The following ANKS1B variants were observed in gnomAD, a reference collection of about 807,000 sequenced individuals.
ANKS1B encodes ankyrin repeat and sterile alpha motif domain-containing protein 1B.
A neutral mutation model predicts 148.3 loss-of-function variants in ANKS1B; 36 were observed. That is an observed-to-expected ratio of 0.24 (90% CI 0.19 to 0.32). The LOEUF (loss-of-function observed/expected upper bound fraction) is 0.32, where lower values mean the gene tolerates loss of function less well. Ranked by LOEUF, ANKS1B falls within the 10% of genes least tolerant of loss-of-function variation. The pLI is 1.00. For synonymous variants in ANKS1B, 542 were observed against 560.8 expected, an observed-to-expected ratio of 0.97 and a Z score of 0.47; for missense variants, 1,157 against 1,542.6, an observed-to-expected ratio of 0.75 and a Z score of 4.19.
chr12:99,760,527 ATC>A (rs1223064305), intron 8 of ANKS1B, among the ~76,000 whole-genome samples: 1 of 151,920 alleles, frequency 6.6e-6, no homozygotes, highest in Admixed American at 6.6e-5. Flanking sequence ...ACATACCAAA[ATC>A]TCTGAGATGC....
chr12:99,767,159 T>C (rs1567808496), intron 8 of ANKS1B, among the ~76,000 whole-genome samples: 1 of 151,814 alleles, frequency 6.6e-6, no homozygotes, highest in East Asian at 1.9e-4. Flanking sequence ...ATAAAATACC[T>C]CACACTTCAG....
At chr12:99,402,332 T>C (rs2094426452) in intron 11 of ANKS1B, among the ~76,000 whole-genome samples, 1 of 146,224 alleles carries the variant, frequency 6.8e-6, no homozygotes, top group Admixed American at 6.8e-5. Context: ...ATATTTTTAT[T>C]TTAAGTTCAG....
intron 9 of ANKS1B, among the ~76,000 whole-genome samples, chr12:99,639,820 AG>A (rs1164100082): frequency 6.6e-6 from 1 of 152,182 alleles, no homozygotes; most frequent in African/African-American, 2.4e-5. Context: ...TAAATTACCC[AG>A]TCTTGGGCAG....
At chr12:99,836,216 TACAC>T (rs375305500) in intron 1 of ANKS1B, among the ~76,000 whole-genome samples, 1 of 151,832 alleles carries the variant, frequency 6.6e-6, no homozygotes, top group African/African-American at 2.4e-5. Context: ...TACAGACACA[TACAC>T]ACACACACGC....
intron 19 of ANKS1B, among the ~76,000 whole-genome samples, chr12:98,810,456 C>T (rs779584465): frequency 5.3e-5 from 8 of 152,204 alleles, no homozygotes; most frequent in Non-Finnish European, 8.8e-5. Flanking sequence ...CATAAATCTT[C>T]TACCTAAGCC....
At chr12:99,633,766 C>T (rs1375122266) in intron 9 of ANKS1B, among the ~76,000 whole-genome samples, 2 of 152,092 alleles carry the variant, frequency 1.3e-5, no homozygotes, top group Non-Finnish European at 2.9e-5. Context: ...CTAGAATCTA[C>T]AAAGAACTCA....
At chr12:99,288,008 A>C (rs2079371846) in intron 12 of ANKS1B, among the ~76,000 whole-genome samples, 1 of 152,200 alleles carries the variant, frequency 6.6e-6, no homozygotes, top group Admixed American at 6.5e-5. Context: ...TCAAAGGGAT[A>C]GTAAAAGAAA....
chr12:99,496,800 A>G (rs908291444), intron 10 of ANKS1B, among the ~76,000 whole-genome samples: 15 of 152,148 alleles, frequency 9.9e-5, no homozygotes, highest in African/African-American at 3.6e-4. Context: ...GACCACAGAA[A>G]GGAAAGTTAA....
rs1206207087 is a variant in ANKS1B, at chr12:99,010,814, C to A, written c.2778+42343G>T. On this transcript the variant is annotated intron_variant, in intron 17 of 26. Coordinates refer to ENST00000683438, the MANE Select transcript of ANKS1B (RefSeq NM_001352186.2). ...TTGCCCAGATTGGAGTGCAGTAGTG[C>A]GATCATGGCTCACTGTAGCCTTAGC... Among the ~76,000 whole-genome samples the A allele has an allele frequency of 2.0e-5, 3 of 148,500 alleles. No homozygotes were observed. The South Asian group carries it at 6.5e-4, about 32-fold the overall frequency.
intron 12 of ANKS1B, among the ~76,000 whole-genome samples, chr12:99,376,251 A>G (rs2093387027): frequency 6.6e-6 from 1 of 152,224 alleles, no homozygotes; most frequent in Non-Finnish European, 1.5e-5. Flanking sequence ...GTGGAGTGAC[A>G]TTTAAAATGC....
intron 8 of ANKS1B, among the ~76,000 whole-genome samples, chr12:99,659,341 A>G (rs1042204516): frequency 1.3e-5 from 2 of 152,182 alleles, no homozygotes; most frequent in Non-Finnish European, 2.9e-5. Context: ...ATGCTGTTCA[A>G]ACTTTTTACT....
intron 8 of ANKS1B, among the ~76,000 whole-genome samples, chr12:99,656,610 C>A (rs2098450835): frequency 6.6e-6 from 1 of 151,762 alleles, no homozygotes; most frequent in African/African-American, 2.4e-5. Context: ...GGGGTCAAAC[C>A]AAGACCTCTA....
chr12:98,918,990 A>G (rs1368467098), intron 17 of ANKS1B, among the ~76,000 whole-genome samples: 1 of 152,190 alleles, frequency 6.6e-6, no homozygotes, highest in Non-Finnish European at 1.5e-5. Flanking sequence ...ACACTTACCC[A>G]TAATTAGTTG....
At chr12:99,566,043 T>G (rs2097389492) in intron 9 of ANKS1B, among the ~76,000 whole-genome samples, 1 of 152,148 alleles carries the variant, frequency 6.6e-6, no homozygotes, top group African/African-American at 2.4e-5. Context: ...CTTTCTGATA[T>G]TTTTAGCAAA....
At chr12:98,784,082 C>T (rs1331211655) in intron 22 of ANKS1B, among the ~76,000 whole-genome samples, 1 of 152,174 alleles carries the variant, frequency 6.6e-6, no homozygotes, top group African/African-American at 2.4e-5. Flanking sequence ...GAAGAAGCCA[C>T]TGAGATAAGG....
At chr12:99,892,099 G>C (rs2093142178) in intron 1 of ANKS1B, among the ~76,000 whole-genome samples, 1 of 152,170 alleles carries the variant, frequency 6.6e-6, no homozygotes, top group African/African-American at 2.4e-5. Context: ...CGCCTCCCAG[G>C]TTCAAGCAAT....
At chr12:99,241,191 T>C (rs935294970) in intron 14 of ANKS1B, among the ~76,000 whole-genome samples, 8 of 151,746 alleles carry the variant, frequency 5.3e-5, no homozygotes, top group Non-Finnish European at 1.0e-4. Flanking sequence ...ATCAAACAGA[T>C]GCAATAAAAA....
intron 17 of ANKS1B, among the ~76,000 whole-genome samples, chr12:98,870,341 G>A (rs1057263547): frequency 5.9e-5 from 9 of 152,214 alleles, no homozygotes; most frequent in Admixed American, 5.9e-4. Context: ...TGCAGTGAGG[G>A]GTAGTCAGAT....
rs1338077216 is a variant in ANKS1B at position 99,368,516 on chromosome 12, AAG to A, written c.1756+31113_1756+31114del. On this transcript the variant is annotated intron_variant, in intron 12 of 26. Transcript: ENST00000683438. Reference sequence around the variant, plus strand: ...AACTAAGATTTTCATTATAAAAGAAAAGAGACAATATAAGATCAAAGTTAGAA... The same window carrying A: ...AACTAAGATTTTCATTATAAAAGAAAAGACAATATAAGATCAAAGTTAGAA... 4.6e-5 allele frequency among the ~76,000 whole-genome samples: 7 copies of A among 152,238 alleles called. 1 individual carries two copies. The highest frequency in any genetic ancestry group is 1.7e-4 in the African/African-American group (7 of 41,588).
Sources: gnomAD v4.1 joint callset for allele counts (sites outside exome capture counted in the v4.1 genomes callset) on GRCh38, gnomAD v4.1.1 for gene constraint, MANE v1.5 for transcripts, NCBI Gene and HGNC (gene_info 2026-07-23, HGNC 2026-07-21) for gene names.